ZNF8: variants seen among roughly 807,000 people sequenced by gnomAD.
The protein encoded by ZNF8 is zinc finger protein 272.
A neutral mutation model predicts 12.2 loss-of-function variants in ZNF8; 9 were observed. The observed-to-expected ratio is 0.73, with a 90% CI of 0.44 to 1.28. The LOEUF is 1.28. ZNF8 is among the 50% of genes most tolerant of loss of function. The pLI, the probability that ZNF8 is intolerant of heterozygous loss-of-function variation, is 0.00. For synonymous variants in ZNF8, 274 were observed against 282.3 expected, an observed-to-expected ratio of 0.97 and a Z score of 0.30; for missense variants, 664 against 729.1, an observed-to-expected ratio of 0.91 and a Z score of 1.03.
Position 58,295,792 on chromosome 19 carries a change from T to C in ZNF8, c.*256T>C. On this transcript the variant is annotated 3_prime_UTR_variant, in exon 4 of 4. Coordinates refer to ENST00000621650, the MANE Select transcript of ZNF8 (RefSeq NM_021089.3). Reference sequence around the variant, plus strand: ...TCACAGGTAATATAACCTACCCACCTGTGTAATGTCAAAAAAAATCAATAT... The same window carrying C: ...TCACAGGTAATATAACCTACCCACCCGTGTAATGTCAAAAAAAATCAATAT... The C allele has an allele frequency of 2.4e-6, 1 of 416,062 alleles. No individual in the cohort carries two copies. Among genetic ancestry groups the C allele is most frequent in the Non-Finnish European group, 4.3e-6 (1 of 234,852 alleles). The allele number at this position is 416,062 out of a possible 1,614,324, so 25.8% of individuals were successfully genotyped here.
chr19:58,286,609 C>G (rs1460868397), intron 3 of ZNF8: 1 of 162,416 alleles, frequency 6.2e-6, no homozygotes, highest in African/African-American at 2.4e-5. Context: ...TTCCAGACTA[C>G]CAGGAGAAAG....
At chr19:58,291,949 G>A (rs763554132) in intron 3 of ZNF8, among the ~76,000 whole-genome samples, 33 of 152,164 alleles carry the variant, frequency 2.2e-4, no homozygotes, top group Admixed American at 5.9e-4. Flanking sequence ...CAAGAGTCAG[G>A]AGGTGAGACG....
chr19:58,295,505 C>T lies in ZNF8; in HGVS notation c.1697C>T (p.Ser566Phe). The change falls in exon 4 of 4, where the codon TCC (serine) becomes TTC (phenylalanine). Residue 566 changes from serine to phenylalanine, a missense_variant. Transcript: ENST00000621650. ...GTGGAAGAGCCTTCTGTGGGTGCTTCCATGTTATTTGACATCAGAGAATCC... is the reference window on the plus strand; with the variant it reads ...GTGGAAGAGCCTTCTGTGGGTGCTTTCATGTTATTTGACATCAGAGAATCC... ...IGVEEPSVGA[S>F]MLFDIREST 1 of 1,605,788 alleles carries T rather than the reference C, an allele frequency of 6.2e-7. No individual in the cohort carries two copies.
chr19:58,282,530 C>A (rs1244286337), intron 1 of ZNF8, among the ~76,000 whole-genome samples: 1 of 152,170 alleles, frequency 6.6e-6, no homozygotes, highest in African/African-American at 2.4e-5. Context: ...CTTTTGGTTT[C>A]ATATCTAAGA....
At chr19:58,289,654 A>G (rs1192541156) in intron 3 of ZNF8, among the ~76,000 whole-genome samples, 4 of 152,046 alleles carry the variant, frequency 2.6e-5, no homozygotes, top group African/African-American at 9.7e-5. Context: ...TCCTTGGTTC[A>G]TAGACCCTTC....
At position 58,295,717 on chromosome 19, in the gene ZNF8, C is replaced by T. The variant is rs2051450655; in HGVS notation, c.*181C>T. On this transcript the variant is annotated 3_prime_UTR_variant, in exon 4 of 4. Coordinates refer to ENST00000621650, the MANE Select transcript of ZNF8 (RefSeq NM_021089.3). ...TCCCAAATCTATCAAACTCAGTGCC[C>T]TCTTTAGCGACATATTTTGTGACAT... The T allele has an allele frequency of 1.7e-6, 1 of 578,122 alleles. No homozygotes were observed. The highest frequency in any genetic ancestry group is 3.0e-6 in the Non-Finnish European group (1 of 331,982). 35.8% of individuals were successfully genotyped at this position (578,122 alleles called of 1,614,324 possible).
At chr19:58,284,696 A>G (rs1475561717) in intron 1 of ZNF8, among the ~76,000 whole-genome samples, 1 of 152,040 alleles carries the variant, frequency 6.6e-6, no homozygotes, top group Non-Finnish European at 1.5e-5. Context: ...TAAAAATACA[A>G]AAATTAGCCG....
chr19:58,290,907 G>C (rs1476608539), intron 3 of ZNF8, among the ~76,000 whole-genome samples: 1 of 152,170 alleles, frequency 6.6e-6, no homozygotes, highest in East Asian at 1.9e-4. Flanking sequence ...AAAAAAATTA[G>C]CTGGGTGTGG....
Position 58,295,594 on chromosome 19 carries a change from A to G in ZNF8, c.*58A>G. 7.4e-7 allele frequency: 1 copy of G among 1,353,454 alleles called. No individual in the cohort carries two copies. The allele number at this position is 1,353,454 out of a possible 1,614,324, so 83.8% of individuals were successfully genotyped here. On this transcript the variant is annotated 3_prime_UTR_variant, in exon 4 of 4. Coordinates refer to ENST00000621650, the MANE Select transcript of ZNF8 (RefSeq NM_021089.3). ...AGTAAAAAATGTGGTAAGTCCACATAGTGTACTCATGGAAGGAGGGGCTGG... is the reference window on the plus strand; with the variant it reads ...AGTAAAAAATGTGGTAAGTCCACATGGTGTACTCATGGAAGGAGGGGCTGG...
At chr19:58,290,315 C>T (rs1023977515) in intron 3 of ZNF8, among the ~76,000 whole-genome samples, 14 of 150,448 alleles carry the variant, frequency 9.3e-5, no homozygotes, top group South Asian at 2.1e-4. Flanking sequence ...GGGGTTTCAC[C>T]GTGTTGGCCA....
At chr19:58,290,145 G>A (rs2051409368) in intron 3 of ZNF8, among the ~76,000 whole-genome samples, 1 of 102,860 alleles carries the variant, frequency 9.7e-6, no homozygotes, top group African/African-American at 3.8e-5. Context: ...ACGGAGTCTC[G>A]CTCTCTTCCC....
intron 1 of ZNF8, among the ~76,000 whole-genome samples, chr19:58,281,038 A>G (rs1223257220): frequency 6.6e-6 from 1 of 152,150 alleles, no homozygotes; most frequent in African/African-American, 2.4e-5. Flanking sequence ...TTTACCATAT[A>G]TAGTAATATT....
chr19:58,294,110 GA>G lies in ZNF8; in HGVS notation c.303del (p.Ser102LeufsTer36). Reference sequence around the variant, plus strand: ...GGTTTTCTTTCAGCCTGGGAGCCTCGATCTGAAAGCCAAGCATCACGCAAGG... The same window carrying G: ...GGTTTTCTTTCAGCCTGGGAGCCTCGTCTGAAAGCCAAGCATCACGCAAGG... ...TQGCHPAWEP[R>X]SESQASRKEE... On this transcript the variant is annotated frameshift_variant, in exon 4 of 4. Coordinates refer to ENST00000621650, the MANE Select transcript of ZNF8 (RefSeq NM_021089.3). LOFTEE classifies it low-confidence loss of function (END_TRUNC). The surrounding 1 kb of genome is among the most constrained non-coding windows in gnomAD (Gnocchi z 5.5). 1 of 1,598,004 alleles carries G rather than the reference GA, an allele frequency of 6.3e-7. No homozygotes were observed. The highest frequency in any genetic ancestry group is 8.6e-7 in the Non-Finnish European group (1 of 1,168,738).
rs2051443407 is a variant in ZNF8, at chr19:58,294,903, G to A, written c.1095G>A (p.Gly365=). 4 of 1,613,996 alleles carry A rather than the reference G, an allele frequency of 2.5e-6. No individual in the cohort carries two copies. The highest frequency in any genetic ancestry group is 3.3e-5 in the Admixed American group (2 of 59,994). Reference sequence around the variant, plus strand: ...GGCGGCACAAGAGGACACACACTGGGGAGAAGCCATACACCTGCAGTGTGT... The same window carrying A: ...GGCGGCACAAGAGGACACACACTGGAGAGAAGCCATACACCTGCAGTGTGT... ...SLGRHKRTHT[G]EKPYTCSVCG... is the part of the protein sequence containing the mutation. The change falls in exon 4 of 4, where the codon GGG becomes GGA. Residue 365 remains glycine (G), a synonymous_variant. Transcript: ENST00000621650. This position sits in a 1 kb window ranked among gnomAD's most constrained non-coding sequence, Gnocchi z 5.5.
rs771323961 is a variant in ZNF8, at chr19:58,294,053, G to GT, written c.290-38dup. ...GGTGTTGGAGGCCTGTCCCCCTTCC[G>GT]TTTTTTTCTCCCAACAGCTCAGAGA... On this transcript the variant is annotated intron_variant, in intron 3 of 3. Transcript: ENST00000621650. This position sits in a 1 kb window ranked among gnomAD's most constrained non-coding sequence, Gnocchi z 5.5. 2.0e-5 allele frequency: 31 copies of GT among 1,541,386 alleles called. No homozygotes were observed. Among genetic ancestry groups the GT allele is most frequent in the Middle Eastern group, 1.8e-4 (1 of 5,604 alleles).
intron 3 of ZNF8, 24 bp downstream of exon 3, chr19:58,286,229 A>T: frequency 1.2e-6 from 2 of 1,603,548 alleles, no homozygotes; most frequent in Non-Finnish European, 1.7e-6. Context: ...ATGTGGGAGC[A>T]GCTAATGGGA....
In ZNF8 at chr19:58,295,144, G is replaced by C; in HGVS notation, c.1336G>C (p.Glu446Gln). 6.2e-7 allele frequency: 1 copy of C among 1,614,032 alleles called. No homozygotes were observed. The highest frequency in any genetic ancestry group is 1.3e-5 in the African/African-American group (1 of 75,076). ...AGCTCTCACAAAGCATGAATGGACA[G>C]AAGCCCTGGGCTGTGACCCACCTTT... ...TPALTKHEWT[E>Q]ALGCDPPLSQ... is the part of the protein sequence containing the mutation. The change falls in exon 4 of 4, where the codon GAA becomes CAA. Residue 446 changes from glutamate (E) to glutamine (Q), a missense_variant. Transcript: ENST00000621650.
intron 3 of ZNF8, among the ~76,000 whole-genome samples, chr19:58,293,339 A>G (rs2051432209): frequency 6.6e-6 from 1 of 152,158 alleles, no homozygotes; most frequent in Admixed American, 6.5e-5. Context: ...GCTCTCATTC[A>G]TTCATTCCCT....
At chr19:58,282,860 T>C (rs2051359293) in intron 1 of ZNF8, among the ~76,000 whole-genome samples, 1 of 152,216 alleles carries the variant, frequency 6.6e-6, no homozygotes, top group African/African-American at 2.4e-5. Flanking sequence ...ACTCCTGAGC[T>C]CAGGCAATCC....
Sources: allele counts gnomAD v4.1 joint callset (sites outside exome capture counted in the v4.1 genomes callset), GRCh38; gene constraint gnomAD v4.1.1; non-coding constraint Gnocchi (gnomAD v3.1); transcripts MANE v1.5; gene names NCBI Gene and HGNC (gene_info 2026-07-23, HGNC 2026-07-21).